The following PIP4K2B variants were observed in gnomAD, a reference collection of about 807,000 sequenced individuals.
The protein encoded by PIP4K2B is phosphatidylinositol-5-phosphate 4-kinase type 2 beta.
In PIP4K2B, 3 loss-of-function variants were observed where a neutral mutation model predicts 42.0. That is an observed-to-expected ratio of 0.07 (90% CI 0.03 to 0.18). The LOEUF (loss-of-function observed/expected upper bound fraction) is 0.18, where lower values mean the gene tolerates loss of function less well. PIP4K2B is among the 10% of genes least tolerant of loss of function. The pLI is 1.00. For synonymous variants in PIP4K2B, 204 were observed against 210.1 expected (o/e 0.97, Z 0.25); for missense variants, 332 against 562.3 (o/e 0.59, Z 4.14).
chr17:38,797,655 G>C (rs1248700838), intron 1 of PIP4K2B, among the ~76,000 whole-genome samples: 1 of 152,194 alleles, frequency 6.6e-6, no homozygotes, highest in Non-Finnish European at 1.5e-5. Context: ...GCCTCTACCA[G>C]TTCTCTACAG....
At chr17:38,773,408 C>A (rs1205384265) in intron 7 of PIP4K2B, among the ~76,000 whole-genome samples, 1 of 152,134 alleles carries the variant, frequency 6.6e-6, no homozygotes, top group Non-Finnish European at 1.5e-5. Context: ...ATGTGACTCC[C>A]CTTGCCAAGC....
chr17:38,771,359 C>T, intron 7 of PIP4K2B, 87 bp from the exon 8 acceptor site: 5 of 1,437,102 alleles, frequency 3.5e-6, no homozygotes, highest in Non-Finnish European at 4.8e-6. Flanking sequence ...GAAAGGCATT[C>T]CTTTCAACTC....
At chr17:38,788,177 AATTTATTT>A (rs56975985) in intron 1 of PIP4K2B, among the ~76,000 whole-genome samples, 58,116 of 144,230 alleles carry the variant, frequency 0.4, 13,460 homozygotes, top group Middle Eastern at 0.57. Context: ...TAATAGATTA[AATTTATTT>A]ATTTATTTAT....
chr17:38,776,616 C>T (rs745508515), intron 7 of PIP4K2B: 10 of 444,552 alleles, frequency 2.2e-5, no homozygotes, highest in East Asian at 7.0e-5. Context: ...GGGGACAGAA[C>T]GAGAATCTCC....
Position 38,799,285 on chromosome 17 carries a change from A to C in PIP4K2B, c.140T>G (p.Met47Arg). ...RASEPILSVL[M>R]WGVNHTINEL... ...GGTTACCGTGTGGTTCACCCCCCACATCAGGACGCTGAGGATCGGCTCGCT... is the reference window on the plus strand; with the variant it reads ...GGTTACCGTGTGGTTCACCCCCCACCTCAGGACGCTGAGGATCGGCTCGCT... Residue 47 changes from methionine (M) to arginine (R), a missense_variant, in exon 1 of 10, where the codon ATG (methionine) becomes AGG (arginine). Met to Arg is a moderately conservative substitution (Grantham distance 91). This residue lies in a region of PIP4K2B where 186 missense variants were observed against 288.4 expected (regional missense o/e 0.64). Transcript: ENST00000619039. This position sits in a 1 kb window ranked among gnomAD's most constrained non-coding sequence, Gnocchi z 4.4. 2 of 1,605,922 alleles carry C rather than the reference A, an allele frequency of 1.2e-6. No individual in the cohort carries two copies. The highest frequency in any genetic ancestry group is 1.7e-6 in the Non-Finnish European group (2 of 1,176,992).
intron 6 of PIP4K2B, 28 bp downstream of exon 6, chr17:38,778,306 C>T (rs1462191951): frequency 6.2e-7 from 1 of 1,612,046 alleles, no homozygotes; most frequent in East Asian, 2.2e-5. Flanking sequence ...CCAAGCGACC[C>T]TTCCATTCCT....
intron 1 of PIP4K2B, among the ~76,000 whole-genome samples, chr17:38,788,926 C>T (rs1910191349): frequency 6.8e-6 from 1 of 146,418 alleles, no homozygotes; most frequent in Non-Finnish European, 1.5e-5. Context: ...GCCTGGGCAA[C>T]AAGAGTGAGA....
chr17:38,770,578 G>T (rs1335836766), intron 8 of PIP4K2B, 39 bp from the exon 9 acceptor site: 1 of 1,148,786 alleles, frequency 8.7e-7, no homozygotes, highest in Admixed American at 1.7e-5. Flanking sequence ...GGAAGAGGGG[G>T]CAGGAGAAGG....
chr17:38,776,219 C>T, intron 7 of PIP4K2B: 1 of 316,818 alleles, frequency 3.2e-6, no homozygotes, highest in Non-Finnish European at 6.2e-6. Context: ...ATCCGCCCAC[C>T]TCAGCCTCCC....
At chr17:38,776,042 G>C (rs772302945) in intron 7 of PIP4K2B, 9 of 448,876 alleles carry the variant, frequency 2.0e-5, no homozygotes, top group South Asian at 9.4e-5. Context: ...AAGCTGGAGG[G>C]TCACCGCAAC....
In PIP4K2B at chr17:38,767,549, T is replaced by C. The variant is rs1039466460; in HGVS notation, c.*2142A>G. On this transcript the variant is annotated 3_prime_UTR_variant, in exon 10 of 10. Transcript: ENST00000619039. ...CATACACACACACACACAAACTCAATGTTAAACAAGTTAGATACCTGGTAG... is the reference window on the plus strand; with the variant it reads ...CATACACACACACACACAAACTCAACGTTAAACAAGTTAGATACCTGGTAG... The C allele has an allele frequency of 1.4e-4, 21 of 152,254 alleles. No individual in the cohort carries two copies. The South Asian group carries it at 3.1e-3, about 23-fold the overall frequency. The allele number at this position is 152,254 out of a possible 1,614,324, so 9.4% of individuals were successfully genotyped here.
chr17:38,766,826 G>T lies in PIP4K2B; in HGVS notation c.*2865C>A, dbSNP rs533888642. The T allele has an allele frequency of 2.0e-5, 3 of 152,936 alleles. No individual in the cohort carries two copies. In the East Asian group the frequency reaches 5.8e-4, roughly 29 times the overall value. 9.5% of individuals were successfully genotyped at this position (152,936 alleles called of 1,614,324 possible). A position where few individuals can be genotyped will look rare whatever the true frequency, so the allele number is the denominator to read the frequency against. On this transcript the variant is annotated 3_prime_UTR_variant, in exon 10 of 10. Coordinates refer to ENST00000619039, the MANE Select transcript of PIP4K2B (RefSeq NM_003559.5). The stretch of plus-strand genomic sequence containing the variant: ...TGCTGGGGGACTCAAAGACCCAGAG[G>T]TTAATTAACAGGAACCAGGGCCAGG...
chr17:38,779,299 C>CAATT, intron 5 of PIP4K2B, 84 bp downstream of exon 5: 2 of 1,351,646 alleles, frequency 1.5e-6, no homozygotes, highest in South Asian at 2.5e-5. Context: ...TCCAGCTTCC[C>CAATT]AATTACATGG....
chr17:38,798,190 T>C (rs985615034), intron 1 of PIP4K2B, among the ~76,000 whole-genome samples: 2 of 152,206 alleles, frequency 1.3e-5, no homozygotes, highest in Admixed American at 6.5e-5. Context: ...AGAACTGAAA[T>C]CCACAGGAAA....
At chr17:38,796,229 T>C (rs1910656063) in intron 1 of PIP4K2B, among the ~76,000 whole-genome samples, 1 of 152,204 alleles carries the variant, frequency 6.6e-6, no homozygotes, top group Admixed American at 6.5e-5. Context: ...TAACAAGTGT[T>C]GACAAGGATG....
At chr17:38,795,099 C>CAAAAAAAAAAAAA (rs61707682) in intron 1 of PIP4K2B, among the ~76,000 whole-genome samples, 64 of 41,476 alleles carry the variant, frequency 1.5e-3, no homozygotes, top group Non-Finnish European at 2.2e-3. Context: ...AACTCCATCT[C>CAAAAAAAAAAAAA]AAAAAAAAAA....
intron 1 of PIP4K2B, among the ~76,000 whole-genome samples, chr17:38,793,895 CAAGA>C (rs917380301): frequency 1.9e-4 from 29 of 149,002 alleles, no homozygotes; most frequent in African/African-American, 6.5e-4. Flanking sequence ...AAAAAAAAAA[CAAGA>C]AAGAAAGAAA....
intron 1 of PIP4K2B, among the ~76,000 whole-genome samples, chr17:38,798,408 CTGGCAGGGGCTGT>C (rs1910761999): frequency 6.6e-6 from 1 of 152,186 alleles, no homozygotes; most frequent in South Asian, 2.1e-4. Flanking sequence ...ATCCAACTTC[CTGGCAGGGGCTGT>C]TGAACAATCT....
chr17:38,791,179 C>T (rs2143465607), intron 1 of PIP4K2B, among the ~76,000 whole-genome samples: 1 of 152,230 alleles, frequency 6.6e-6, no homozygotes, highest in East Asian at 1.9e-4. Context: ...ATGAGGCTAG[C>T]ATGGCCAGAG....
Sources: allele counts gnomAD v4.1 joint callset (sites outside exome capture counted in the v4.1 genomes callset), GRCh38; gene constraint gnomAD v4.1.1; regional missense constraint gnomAD v4.1.1; non-coding constraint Gnocchi (gnomAD v3.1); transcripts MANE v1.5; gene names NCBI Gene and HGNC (gene_info 2026-07-23, HGNC 2026-07-21).